Variants in LRRC4C observed in about 807,000 individuals in gnomAD.
The protein encoded by LRRC4C is leucine rich repeat containing 4C, also known as leucine-rich repeat-containing protein 4C.
Under a neutral mutation model 33.6 loss-of-function variants are expected in LRRC4C, and 5 were observed. That is an observed-to-expected ratio of 0.15 (90% confidence interval 0.08 to 0.31). The LOEUF is 0.31. LRRC4C is among the 10% of genes least tolerant of loss of function. LRRC4C has a pLI of 1.00. For missense variants in LRRC4C, 560 were observed against 796.7 expected, an observed-to-expected ratio of 0.70 and a Z score of 3.58; for synonymous variants, 329 against 302.0, an observed-to-expected ratio of 1.09 and a Z score of -0.93.
chr11:41,210,316 G>A (rs1372254203), intron 1 of LRRC4C, among the ~76,000 whole-genome samples: 1 of 152,054 alleles, frequency 6.6e-6, no homozygotes, highest in Non-Finnish European at 1.5e-5. Context: ...AATCATGGGG[G>A]CGGTTTTCCC....
intron 2 of LRRC4C, among the ~76,000 whole-genome samples, chr11:40,742,257 G>T (rs1399765472): frequency 1.3e-5 from 2 of 151,968 alleles, no homozygotes; most frequent in African/African-American, 4.8e-5. Context: ...AGTAGAGTTA[G>T]ATGCAAAGGA....
At chr11:40,366,101 A>G (rs976461017) in intron 3 of LRRC4C, among the ~76,000 whole-genome samples, 1 of 152,076 alleles carries the variant, frequency 6.6e-6, no homozygotes, top group African/African-American at 2.4e-5. Context: ...TTGTTTTTGT[A>G]AAATGAGGAG....
chr11:40,951,907 T>C (rs1958709105), intron 1 of LRRC4C, among the ~76,000 whole-genome samples: 1 of 151,998 alleles, frequency 6.6e-6, no homozygotes, highest in Non-Finnish European at 1.5e-5. Flanking sequence ...ACATCCTGAT[T>C]GTATAAGCCT....
At chr11:41,221,144 C>T (rs1473877659) in intron 1 of LRRC4C, among the ~76,000 whole-genome samples, 1 of 152,014 alleles carries the variant, frequency 6.6e-6, no homozygotes, top group African/African-American at 2.4e-5. Context: ...TCTTCCGACC[C>T]TCCACCTTCC....
intron 2 of LRRC4C, among the ~76,000 whole-genome samples, chr11:40,677,254 C>A (rs1048831186): frequency 6.6e-6 from 1 of 152,004 alleles, no homozygotes; most frequent in Non-Finnish European, 1.5e-5. Flanking sequence ...CGCATGGTGG[C>A]AGATACCTGT....
intron 2 of LRRC4C, among the ~76,000 whole-genome samples, chr11:40,761,139 G>T (rs1591648184): frequency 6.6e-6 from 1 of 152,002 alleles, no homozygotes; most frequent in Non-Finnish European, 1.5e-5. Flanking sequence ...GAGCTATAGT[G>T]GAGAACATAT....
intron 1 of LRRC4C, among the ~76,000 whole-genome samples, chr11:40,967,255 G>A (rs988677284): frequency 6.6e-6 from 1 of 151,812 alleles, no homozygotes; most frequent in African/African-American, 2.4e-5. Flanking sequence ...AGAAGACAGA[G>A]CAAAAGGGAC....
intron 1 of LRRC4C, among the ~76,000 whole-genome samples, chr11:41,318,696 C>G (rs1950867033): frequency 6.6e-6 from 1 of 152,042 alleles, no homozygotes; most frequent in Non-Finnish European, 1.5e-5. Flanking sequence ...GTAATAAGCT[C>G]TTTCCTAGAT....
At chr11:40,356,282 A>G (rs1590421312) in intron 3 of LRRC4C, among the ~76,000 whole-genome samples, 1 of 152,288 alleles carries the variant, frequency 6.6e-6, no homozygotes, top group East Asian at 1.9e-4. Context: ...TATGCGTCAG[A>G]ATGAGCCAGC....
intron 1 of LRRC4C, among the ~76,000 whole-genome samples, chr11:40,996,248 C>T (rs780296510): frequency 6.6e-6 from 1 of 152,110 alleles, no homozygotes; most frequent in Non-Finnish European, 1.5e-5. Flanking sequence ...GACTTACTTA[C>T]TCTACACATG....
At chr11:41,017,700 G>T (rs1483660372) in intron 1 of LRRC4C, among the ~76,000 whole-genome samples, 1 of 151,290 alleles carries the variant, frequency 6.6e-6, no homozygotes, top group African/African-American at 2.4e-5. Context: ...GATTGGGAAA[G>T]AAAAGCTGGG....
At chr11:40,641,568 G>A (rs1591351853) in intron 3 of LRRC4C, among the ~76,000 whole-genome samples, 1 of 146,076 alleles carries the variant, frequency 6.8e-6, no homozygotes, top group African/African-American at 2.5e-5. Context: ...AATATACAAA[G>A]TCAAAGTTGA....
intron 2 of LRRC4C, among the ~76,000 whole-genome samples, chr11:40,903,265 A>G (rs1352621695): frequency 6.6e-6 from 1 of 152,334 alleles, no homozygotes; most frequent in Non-Finnish European, 1.5e-5. Context: ...ATCTGTTTAC[A>G]GCACAGTTTT....
intron 1 of LRRC4C, among the ~76,000 whole-genome samples, chr11:41,363,001 G>A (rs1952410319): frequency 6.6e-6 from 1 of 152,184 alleles, no homozygotes; most frequent in Non-Finnish European, 1.5e-5. Context: ...TTAAGAGCCA[G>A]ATATCTATGG....
At chr11:41,328,695 A>G (rs1951200361) in intron 1 of LRRC4C, among the ~76,000 whole-genome samples, 1 of 152,118 alleles carries the variant, frequency 6.6e-6, no homozygotes, top group Admixed American at 6.5e-5. Flanking sequence ...CAAGCCTCCT[A>G]TTTGAGGTTT....
At chr11:41,151,678 A>G (rs1345667834) in intron 1 of LRRC4C, among the ~76,000 whole-genome samples, 2 of 152,178 alleles carry the variant, frequency 1.3e-5, no homozygotes, top group African/African-American at 2.4e-5. Flanking sequence ...CATGTACAGT[A>G]TATATTCTGT....
chr11:40,126,712 G>A (rs982799729), intron 6 of LRRC4C, among the ~76,000 whole-genome samples: 1 of 152,128 alleles, frequency 6.6e-6, no homozygotes, highest in Non-Finnish European at 1.5e-5. Flanking sequence ...TGTAATCCCA[G>A]CACTTTGGGA....
At chr11:40,172,012 G>A (rs775008520) in intron 5 of LRRC4C, among the ~76,000 whole-genome samples, 18 of 152,184 alleles carry the variant, frequency 1.2e-4, no homozygotes, top group Non-Finnish European at 2.1e-4. Context: ...GTTAGACTCC[G>A]TCTCCAAACA....
intron 3 of LRRC4C, among the ~76,000 whole-genome samples, chr11:40,532,668 T>A (rs10501235): frequency 0.083 from 12,494 of 150,682 alleles, 1,502 homozygotes; most frequent in African/African-American, 0.27. Context: ...GTGACTAAAG[T>A]GTTAGTAGAT....
Sources: allele counts gnomAD v4.1 joint callset (sites outside exome capture counted in the v4.1 genomes callset), GRCh38; gene constraint gnomAD v4.1.1; transcripts MANE v1.5; gene names NCBI Gene and HGNC (gene_info 2026-07-23, HGNC 2026-07-21).